Variants in PRELID2 observed in about 807,000 individuals in gnomAD.
PRELID2 encodes the protein PRELI domain containing 2.
In PRELID2, 25 loss-of-function variants were observed where a neutral mutation model predicts 28.4. The ratio of observed to expected loss-of-function variants is 0.88; its 90% CI spans 0.64 to 1.23. The LOEUF (loss-of-function observed/expected upper bound fraction) is 1.23, where lower values mean the gene tolerates loss of function less well. Ranked by LOEUF, PRELID2 falls within the 50% of genes most tolerant of loss-of-function variation. PRELID2 has a pLI of 0.00. For missense variants in PRELID2, 201 were observed against 214.4 expected (o/e 0.94, Z 0.39); for synonymous variants, 76 against 71.6 (o/e 1.06, Z -0.31).
intron 1 of PRELID2, among the ~76,000 whole-genome samples, chr5:145,657,536 T>A (rs907125727): frequency 8.6e-5 from 13 of 152,006 alleles, no homozygotes; most frequent in Non-Finnish European, 1.8e-4. Context: ...ATGCAAAAAA[T>A]TAGCCGGGCG....
the PRELID2 span, among the ~76,000 whole-genome samples, chr5:145,299,638 TGTGTGC>T: frequency 0.15 from 18,284 of 124,432 alleles, 1,230 homozygotes; most frequent in Non-Finnish European, 0.17. Context: ...CATATATATG[TGTGTGC>T]GTGTGTGTGT....
At chr5:145,575,991 C>CAA (rs1753057341) in intron 1 of PRELID2, among the ~76,000 whole-genome samples, 1 of 152,016 alleles carries the variant, frequency 6.6e-6, no homozygotes, top group Non-Finnish European at 1.5e-5. Flanking sequence ...TATTCCTGCC[C>CAA]ATCTTGAAAA....
chr5:145,809,694 G>A (rs1406070659), intron 4 of PRELID2, among the ~76,000 whole-genome samples: 1 of 152,224 alleles, frequency 6.6e-6, no homozygotes, highest in Non-Finnish European at 1.5e-5. Flanking sequence ...GAGTGTAGAA[G>A]AATAATCTTG....
At chr5:145,614,710 C>T (rs1027726495) in intron 1 of PRELID2, among the ~76,000 whole-genome samples, 6 of 152,184 alleles carry the variant, frequency 3.9e-5, no homozygotes, top group East Asian at 1.9e-4. Context: ...ATTATTTATA[C>T]GTTCTAGAAG....
the PRELID2 span, among the ~76,000 whole-genome samples, chr5:145,418,894 A>C: frequency 4.4e-3 from 606 of 137,996 alleles, 6 homozygotes; most frequent in African/African-American, 0.016. Context: ...CCCACCCCAC[A>C]ACAGTCCCCA....
intron 1 of PRELID2, among the ~76,000 whole-genome samples, chr5:145,626,718 G>A (rs1753850577): frequency 6.6e-6 from 1 of 152,104 alleles, no homozygotes; most frequent in African/African-American, 2.4e-5. Context: ...AAAGATACCT[G>A]CACTTGTATG....
chr5:145,380,788 G>C, the PRELID2 span, among the ~76,000 whole-genome samples: 1 of 152,106 alleles, frequency 6.6e-6, no homozygotes, highest in Admixed American at 6.6e-5. Context: ...TGAAGGCTTT[G>C]ATGAGCTTTT....
chr5:145,399,958 G>A, the PRELID2 span, among the ~76,000 whole-genome samples: 15 of 152,018 alleles, frequency 9.9e-5, no homozygotes, highest in South Asian at 6.2e-4. Context: ...CCTCCCACTC[G>A]GTACCTCCGA....
the PRELID2 span, among the ~76,000 whole-genome samples, chr5:145,272,470 C>T: frequency 1.3e-5 from 2 of 152,116 alleles, no homozygotes; most frequent in African/African-American, 4.8e-5. Context: ...GATGCCCGCA[C>T]ACAGAGTTAA....
At chr5:145,661,666 T>TA (rs567073073) in intron 1 of PRELID2, among the ~76,000 whole-genome samples, 5,207 of 96,856 alleles carry the variant, frequency 0.054, 127 homozygotes, top group East Asian at 0.082. Context: ...AACAAGCCAT[T>TA]AAAAAAAAAA....
chr5:145,650,562 AT>A (rs1754276826), intron 1 of PRELID2, among the ~76,000 whole-genome samples: 2 of 132,536 alleles, frequency 1.5e-5, no homozygotes, highest in Non-Finnish European at 3.2e-5. Flanking sequence ...ATATATATAT[AT>A]ATATATATAT....
the PRELID2 span, among the ~76,000 whole-genome samples, chr5:145,266,907 A>C: frequency 6.6e-6 from 1 of 152,164 alleles, no homozygotes; most frequent in Non-Finnish European, 1.5e-5. Flanking sequence ...GAAGGCCATT[A>C]TTCTAAGTTA....
chr5:145,604,358 T>G (rs1421937018), intron 1 of PRELID2, among the ~76,000 whole-genome samples: 1 of 152,138 alleles, frequency 6.6e-6, no homozygotes, highest in African/African-American at 2.4e-5. Context: ...TGGTTTTCTG[T>G]CTGTGCACTA....
chr5:145,429,761 G>C, the PRELID2 span: 2 of 152,208 alleles, frequency 1.3e-5, no homozygotes, highest in Admixed American at 1.3e-4. Flanking sequence ...CTAGGCTGGT[G>C]TTATGACTTG....
chr5:145,269,693 G>A, the PRELID2 span, among the ~76,000 whole-genome samples: 1 of 150,528 alleles, frequency 6.6e-6, no homozygotes, highest in Admixed American at 6.6e-5. Context: ...AAGAGAAGAC[G>A]AGCCAAACTA....
At chr5:145,328,858 T>C in the PRELID2 span, among the ~76,000 whole-genome samples, 2 of 152,224 alleles carry the variant, frequency 1.3e-5, no homozygotes, top group Non-Finnish European at 2.9e-5. Context: ...CCCATGCCTA[T>C]GTCCTGAATG....
Position 145,758,266 on chromosome 5 carries a change from G to A in PRELID2, c.*2270C>T, listed in dbSNP as rs1360062005. ...ACTGTGCTGGAACCGGGCACACAAG[G>A]CAGAAATTCAACCTCTCTGTGCCTT... On this transcript the variant is annotated 3_prime_UTR_variant, in exon 7 of 7. Coordinates refer to ENST00000683046, the MANE Select transcript of PRELID2 (RefSeq NM_205846.3). 6.6e-6 allele frequency among the ~76,000 whole-genome samples: 1 copy of A among 151,888 alleles called. No individual in the cohort carries two copies. The highest frequency in any genetic ancestry group is 2.4e-5 in the African/African-American group (1 of 41,322).
chr5:145,258,299 G>A, the PRELID2 span, among the ~76,000 whole-genome samples: 3 of 152,180 alleles, frequency 2.0e-5, no homozygotes. Flanking sequence ...CTGGGTAACA[G>A]GCAGAGGTTA....
At chr5:145,247,233 T>G in the PRELID2 span, among the ~76,000 whole-genome samples, 3 of 152,080 alleles carry the variant, frequency 2.0e-5, no homozygotes, top group Non-Finnish European at 4.4e-5. Context: ...CAATCATCAC[T>G]CCTCAATTCC....
Sources: gnomAD v4.1 joint callset for allele counts (sites outside exome capture counted in the v4.1 genomes callset) on GRCh38, gnomAD v4.1.1 for gene constraint, MANE v1.5 for transcripts, NCBI Gene and HGNC (gene_info 2026-07-23, HGNC 2026-07-21) for gene names.